Variants in MGAT4C observed in about 807,000 individuals in gnomAD.
MGAT4C encodes the protein alpha-1,3-mannosyl-glycoprotein 4-beta-N-acetylglucosaminyltransferase C.
MGAT4C carries 19 observed loss-of-function variants against 40.1 expected under a neutral mutation model. That is an observed-to-expected ratio of 0.47 (90% CI 0.33 to 0.70). MGAT4C has a LOEUF of 0.70. MGAT4C is among the 30% of genes least tolerant of loss of function. The pLI is 0.02. For missense variants in MGAT4C, 491 were observed against 563.2 expected (o/e 0.87, Z 1.30); for synonymous variants, 181 against 187.1 (o/e 0.97, Z 0.27).
chr12:85,993,207 T>C (rs1245374195), intron 2 of MGAT4C, among the ~76,000 whole-genome samples: 1 of 152,178 alleles, frequency 6.6e-6, no homozygotes, highest in African/African-American at 2.4e-5. Flanking sequence ...GTCGTGTTAC[T>C]TTTGAGTCAA....
intron 1 of MGAT4C, among the ~76,000 whole-genome samples, chr12:86,774,842 A>G (rs1243258809): frequency 6.6e-6 from 1 of 152,168 alleles, no homozygotes; most frequent in Non-Finnish European, 1.5e-5. Context: ...TGGTTCTATA[A>G]TGAGGTCTCA....
intron 2 of MGAT4C, among the ~76,000 whole-genome samples, chr12:86,666,314 T>C (rs1241504904): frequency 1.3e-5 from 2 of 152,192 alleles, no homozygotes; most frequent in Non-Finnish European, 2.9e-5. Context: ...TTAAGCCTCA[T>C]AACTAAGAAT....
intron 1 of MGAT4C, among the ~76,000 whole-genome samples, chr12:86,776,743 G>A (rs1251882728): frequency 1.3e-5 from 2 of 152,066 alleles, no homozygotes; most frequent in South Asian, 2.1e-4. Context: ...TGGCTAAAAT[G>A]TATGAAACGA....
intron 1 of MGAT4C, among the ~76,000 whole-genome samples, chr12:86,824,948 A>T (rs562341027): frequency 6.6e-6 from 1 of 151,350 alleles, no homozygotes. Flanking sequence ...TTTTAAGAAT[A>T]AAAGCAATAA....
intron 1 of MGAT4C, among the ~76,000 whole-genome samples, chr12:86,191,132 CACCCCTATAGGGT>C (rs1889396076): frequency 5.5e-5 from 7 of 128,434 alleles, no homozygotes. Context: ...CACACACACA[CACCCCTATAGGGT>C]CTGTTTCTCT....
rs1301304073 is a variant in MGAT4C at position 85,956,606 on chromosome 12, A to G, written c.*22683T>C. The stretch of plus-strand genomic sequence containing the variant: ...ATTCAATCAAACAGCATTACTTGGT[A>G]TGGTGTAGAGAAAACAAAAATGTCA... On this transcript the variant is annotated 3_prime_UTR_variant, in exon 5 of 5. Coordinates refer to ENST00000611864, the MANE Select transcript of MGAT4C (RefSeq NM_001351288.2). 1.3e-5 allele frequency: 2 copies of G among 152,170 alleles called. No individual in the cohort carries two copies. Among genetic ancestry groups the G allele is most frequent in the African/African-American group, 4.8e-5 (2 of 41,456 alleles). 9.4% of individuals were successfully genotyped at this position (152,170 alleles called of 1,614,324 possible).
intron 2 of MGAT4C, among the ~76,000 whole-genome samples, chr12:86,673,919 T>C (rs1964326790): frequency 6.6e-6 from 1 of 152,044 alleles, no homozygotes; most frequent in South Asian, 2.1e-4. Context: ...TTACTCTTCA[T>C]CTTATTTAAA....
At chr12:86,392,313 A>T (rs952192454) in intron 3 of MGAT4C, among the ~76,000 whole-genome samples, 1 of 152,074 alleles carries the variant, frequency 6.6e-6, no homozygotes, top group Non-Finnish European at 1.5e-5. Flanking sequence ...CTCTACTAAA[A>T]ATACAAAAGA....
At chr12:86,420,986 C>T (rs1007363188) in intron 3 of MGAT4C, among the ~76,000 whole-genome samples, 3 of 151,544 alleles carry the variant, frequency 2.0e-5, no homozygotes, top group South Asian at 2.1e-4. Context: ...AGTTATGCTG[C>T]ACATCCTTTC....
At chr12:86,139,729 G>GA (rs943448539) in intron 1 of MGAT4C, among the ~76,000 whole-genome samples, 13 of 151,316 alleles carry the variant, frequency 8.6e-5, no homozygotes, top group South Asian at 6.3e-4. Flanking sequence ...AATAAGAATA[G>GA]AAAAAAAACG....
chr12:86,567,959 G>A (rs1236945607), intron 2 of MGAT4C, among the ~76,000 whole-genome samples: 1 of 152,110 alleles, frequency 6.6e-6, no homozygotes, highest in Non-Finnish European at 1.5e-5. Flanking sequence ...GGTCGACAAA[G>A]GATAGCTGTA....
At chr12:86,252,335 T>G (rs1952329644) in intron 1 of MGAT4C, among the ~76,000 whole-genome samples, 1 of 152,070 alleles carries the variant, frequency 6.6e-6, no homozygotes, top group African/African-American at 2.4e-5. Flanking sequence ...TAAAATATTT[T>G]GAGCCAAATC....
At chr12:86,014,140 T>C (rs946306057) in intron 2 of MGAT4C, among the ~76,000 whole-genome samples, 1 of 152,168 alleles carries the variant, frequency 6.6e-6, no homozygotes, top group Non-Finnish European at 1.5e-5. Context: ...CCAAACCCTC[T>C]TTTCCTCAAT....
At chr12:86,482,575 T>C (rs1957955306) in intron 2 of MGAT4C, among the ~76,000 whole-genome samples, 1 of 152,076 alleles carries the variant, frequency 6.6e-6, no homozygotes, top group Non-Finnish European at 1.5e-5. Context: ...TTGAACAGAA[T>C]TCCAACCTTA....
At chr12:86,042,400 G>C (rs1891947069) in intron 2 of MGAT4C, among the ~76,000 whole-genome samples, 1 of 152,098 alleles carries the variant, frequency 6.6e-6, no homozygotes, top group Non-Finnish European at 1.5e-5. Flanking sequence ...TTGCTTTATA[G>C]TGTCAATGGT....
intron 1 of MGAT4C, among the ~76,000 whole-genome samples, chr12:86,785,868 T>C (rs537427723): frequency 1.3e-5 from 2 of 151,996 alleles, no homozygotes; most frequent in Admixed American, 1.3e-4. Context: ...ATTTTCTCTG[T>C]TGATTTAGAG....
intron 3 of MGAT4C, among the ~76,000 whole-genome samples, chr12:86,418,684 G>A (rs1956766675): frequency 6.6e-6 from 1 of 151,926 alleles, no homozygotes; most frequent in African/African-American, 2.4e-5. Flanking sequence ...AAGTATAAAT[G>A]CATATTTAGA....
chr12:86,536,768 T>C (rs1246583758), intron 2 of MGAT4C, among the ~76,000 whole-genome samples: 13 of 152,044 alleles, frequency 8.6e-5, no homozygotes, highest in Non-Finnish European at 1.5e-5. Context: ...GAGAATAAAA[T>C]TAAAATTTAA....
At chr12:86,536,490 G>A (rs1302030694) in intron 2 of MGAT4C, among the ~76,000 whole-genome samples, 1 of 152,056 alleles carries the variant, frequency 6.6e-6, no homozygotes, top group Non-Finnish European at 1.5e-5. Flanking sequence ...TGAGTCTTCA[G>A]TTAAGGGGAT....
Sources: allele counts gnomAD v4.1 joint callset (sites outside exome capture counted in the v4.1 genomes callset), GRCh38; gene constraint gnomAD v4.1.1; transcripts MANE v1.5; gene names NCBI Gene and HGNC (gene_info 2026-07-23, HGNC 2026-07-21).